AMPD3: variants seen among roughly 807,000 people sequenced by gnomAD.
The protein encoded by AMPD3 is AMP deaminase 3.
A neutral mutation model predicts 82.3 loss-of-function variants in AMPD3; 57 were observed. The ratio of observed to expected loss-of-function variants is 0.69; its 90% CI spans 0.56 to 0.86. The LOEUF (loss-of-function observed/expected upper bound fraction) is 0.86. Among genes scored for constraint, AMPD3 ranks in the 40% least tolerant of loss-of-function variants. The probability of loss-of-function intolerance (pLI) is 0.00; values close to 1 mark genes in which losing one functional copy is unlikely to be tolerated. For synonymous variants in AMPD3, 381 were observed against 394.7 expected (o/e 0.97, Z 0.41); for missense variants, 870 against 1,003.8 (o/e 0.87, Z 1.80).
chr11:10,502,055 A>G lies in AMPD3; in HGVS notation c.1842+465A>G, dbSNP rs1392810648. 5.1e-6 allele frequency: 5 copies of G among 985,308 alleles called. No individual in the cohort carries two copies. The African/African-American group carries it at 5.2e-5, about 10-fold the overall frequency. The allele number at this position is 985,308 out of a possible 1,614,324, so 61.0% of individuals were successfully genotyped here. A position where few individuals can be genotyped will look rare whatever the true frequency, so the allele number is the denominator to read the frequency against. Reference sequence around the variant, plus strand: ...TCTGTAATTGACTCAACCAGTCCACACTAGTTGGGCACAGAGTCCATCCAC... The same window carrying G: ...TCTGTAATTGACTCAACCAGTCCACGCTAGTTGGGCACAGAGTCCATCCAC... On this transcript the variant is annotated intron_variant, in intron 12 of 14. Transcript: ENST00000396553.
chr11:10,494,625 A>G (rs1247651929), intron 7 of AMPD3: 21 of 985,290 alleles, frequency 2.1e-5, no homozygotes, highest in African/African-American at 7.0e-5. Flanking sequence ...CTCTCTGCTC[A>G]CTAAGTCAGC....
chr11:10,456,977 CTTTTTTTTT>C lies in AMPD3; in HGVS notation c.-6+1539_-6+1547del, dbSNP rs571427952. 3.9e-5 allele frequency among the ~76,000 whole-genome samples: 5 copies of C among 129,236 alleles called. No homozygotes were observed. Among genetic ancestry groups the C allele is most frequent in the Non-Finnish European group, 8.1e-5 (5 of 61,404 alleles). 84.8% of individuals were successfully genotyped at this position (129,236 alleles called of 152,430 possible). ...TTGTTGTGGTTGCTGTTGTTTCTTG[CTTTTTTTTT>C]TTTTTTTTTGAGAGAAGGTCTTGCT... On this transcript the variant is annotated intron_variant, in intron 1 of 14. Transcript: ENST00000396553. The surrounding 1 kb of genome is among the most constrained non-coding windows in gnomAD (Gnocchi z 4.3).
intron 1 of AMPD3, chr11:10,455,826 G>A (rs1382474119): frequency 3.4e-6 from 3 of 875,668 alleles, no homozygotes; most frequent in Admixed American, 6.2e-5. Flanking sequence ...GGCTGCTTTA[G>A]GGGGGCTTTC....
upstream of AMPD3, chr11:10,451,033 G>A (rs1847947856): frequency 1.3e-6 from 2 of 1,582,862 alleles, no homozygotes; most frequent in Non-Finnish European, 1.7e-6. Flanking sequence ...TGGCCCTGTC[G>A]TCCGAACCCG....
chr11:10,464,136 C>G (rs755268780), intron 2 of AMPD3, among the ~76,000 whole-genome samples: 1 of 152,136 alleles, frequency 6.6e-6, no homozygotes, highest in African/African-American at 2.4e-5. Context: ...TAAAAGGCTT[C>G]GGACAGTGTC....
At chr11:10,494,106 A>G (rs899716775) in intron 7 of AMPD3, among the ~76,000 whole-genome samples, 1 of 152,244 alleles carries the variant, frequency 6.6e-6, no homozygotes, top group Admixed American at 6.5e-5. Context: ...ATGAATGGGT[A>G]AACAAAATGT....
upstream of AMPD3, among the ~76,000 whole-genome samples, chr11:10,453,045 G>C (rs1303918713): frequency 6.6e-6 from 1 of 152,180 alleles, no homozygotes; most frequent in African/African-American, 2.4e-5. Context: ...CACCTCCCGG[G>C]TTCAAGCGAT....
At chr11:10,484,547 T>C in intron 4 of AMPD3, 1 of 965,548 alleles carries the variant, frequency 1.0e-6, no homozygotes, top group Non-Finnish European at 1.2e-6. Context: ...TTCTAGACAC[T>C]CAGCAGTGAA....
chr11:10,493,284 A>T, intron 6 of AMPD3, 65 bp from the exon 7 acceptor site: 1 of 1,585,220 alleles, frequency 6.3e-7, no homozygotes, highest in African/African-American at 1.3e-5. Flanking sequence ...TGAGGGTTGG[A>T]TGTCTTAACT....
At chr11:10,493,793 T>G in intron 7 of AMPD3, 1 of 576,382 alleles carries the variant, frequency 1.7e-6, no homozygotes, top group Non-Finnish European at 3.1e-6. Flanking sequence ...ACTTAGGAGT[T>G]TTGTGCCCTT....
chr11:10,501,560 C>T lies in AMPD3; in HGVS notation c.1812C>T (p.Asp604=), dbSNP rs750998634. ...THLVSAFLTA[D]NISHGLLLKK... ...TGGTGTCTGCCTTCCTCACTGCTGA[C>T]AACATTTCCCACGGGCTGCTCCTCA... Residue 604 remains aspartate, a synonymous_variant, in exon 12 of 15, where the codon GAC becomes GAT. Transcript: ENST00000396553. The T allele has an allele frequency of 1.2e-6, 2 of 1,614,158 alleles. No individual in the cohort carries two copies. The highest frequency in any genetic ancestry group is 1.7e-6 in the Non-Finnish European group (2 of 1,180,022).
At chr11:10,495,252 C>T (rs569849138) in intron 8 of AMPD3, 2 of 985,432 alleles carry the variant, frequency 2.0e-6, no homozygotes, top group Admixed American at 1.2e-4. Context: ...GGGTATCCAC[C>T]TTGGCCAAGC....
chr11:10,459,963 G>A (rs1848209846), intron 1 of AMPD3, among the ~76,000 whole-genome samples: 1 of 151,056 alleles, frequency 6.6e-6, no homozygotes, highest in Non-Finnish European at 1.5e-5. Context: ...CATCTGTCAA[G>A]TGGGAATAAT....
intron 6 of AMPD3, chr11:10,488,138 A>C: frequency 1.1e-6 from 1 of 882,344 alleles, no homozygotes; most frequent in South Asian, 5.2e-5. Context: ...AGGGGATGGC[A>C]GCCTTGTCCG....
upstream of AMPD3, among the ~76,000 whole-genome samples, chr11:10,451,789 A>C (rs990661735): frequency 2.0e-5 from 3 of 152,216 alleles, no homozygotes; most frequent in African/African-American, 7.2e-5. Context: ...CTCAGGATGC[A>C]GTGACCAACA....
At chr11:10,451,003 G>A (rs779313322), upstream of AMPD3, 1 of 1,577,210 alleles carries the variant, frequency 6.3e-7, no homozygotes, top group Admixed American at 1.7e-5. Context: ...CCCTGCGGCC[G>A]TCCCTTTCGG....
At chr11:10,496,741 C>T (rs981979270) in intron 9 of AMPD3, 71 bp from the exon 10 acceptor site, 4 of 1,612,434 alleles carry the variant, frequency 2.5e-6, no homozygotes. Flanking sequence ...GAGGAAGTGA[C>T]TGGGGCTGGT....
chr11:10,493,645 C>T (rs757272190), intron 7 of AMPD3, 102 bp downstream of exon 7: 99 of 1,324,078 alleles, frequency 7.5e-5, no homozygotes, highest in Middle Eastern at 1.8e-4. Context: ...GGAGGTGCTA[C>T]GGAAGCAGCT....
chr11:10,490,529 C>T (rs527380439), intron 6 of AMPD3: 19 of 985,248 alleles, frequency 1.9e-5, no homozygotes, highest in African/African-American at 7.0e-5. Flanking sequence ...TAGGTGAACA[C>T]GGGGAATGCA....
Sources: allele counts gnomAD v4.1 joint callset (sites outside exome capture counted in the v4.1 genomes callset), GRCh38; gene constraint gnomAD v4.1.1; non-coding constraint Gnocchi (gnomAD v3.1); transcripts MANE v1.5; gene names NCBI Gene and HGNC (gene_info 2026-07-23, HGNC 2026-07-21).